The following DDX31 variants were observed in gnomAD, a reference collection of about 807,000 sequenced individuals.
DDX31 encodes the protein ATP-dependent DNA helicase DDX31.
A neutral mutation model predicts 91.3 loss-of-function variants in DDX31; 70 were observed. The ratio of observed to expected loss-of-function variants is 0.77; its 90% CI spans 0.63 to 0.94. The LOEUF (loss-of-function observed/expected upper bound fraction) is 0.94. Ranked by LOEUF, DDX31 falls within the 40% of genes least tolerant of loss-of-function variation. The probability of loss-of-function intolerance (pLI) is 0.00; values close to 1 mark genes in which losing one functional copy is unlikely to be tolerated. For synonymous variants in DDX31, 362 were observed against 350.6 expected, an observed-to-expected ratio of 1.03 and a Z score of -0.36; for missense variants, 902 against 925.0, an observed-to-expected ratio of 0.98 and a Z score of 0.32.
At chr9:132,654,098 T>C (rs1834399673) in intron 6 of DDX31, among the ~76,000 whole-genome samples, 2 of 152,150 alleles carry the variant, frequency 1.3e-5, no homozygotes, top group African/African-American at 2.4e-5. Context: ...AAAGCTGGAA[T>C]TGTCCTTTTA....
chr9:132,599,405 T>A (rs1371900699), intron 19 of DDX31, among the ~76,000 whole-genome samples: 5 of 152,238 alleles, frequency 3.3e-5, no homozygotes, highest in African/African-American at 1.2e-4. Flanking sequence ...GTTTTTAATA[T>A]ACATAAATCT....
intron 1 of DDX31, among the ~76,000 whole-genome samples, chr9:132,668,219 C>T (rs981256994): frequency 6.6e-6 from 1 of 152,134 alleles, no homozygotes; most frequent in African/African-American, 2.4e-5. Context: ...GTCCTCTTTT[C>T]TAAGAGACAA....
intron 14 of DDX31, 150 bp from the exon 15 acceptor site, chr9:132,632,241 T>TGTACACACACACACACACAC (rs1466872933): frequency 2.8e-4 from 26 of 94,098 alleles, no homozygotes; most frequent in South Asian, 8.5e-4. Context: ...CCAGTACGTG[T>TGTACACACACACACACACAC]ACACACACAC....
chr9:132,651,146 G>T, intron 7 of DDX31, 30 bp from the exon 8 acceptor site: 1 of 1,559,452 alleles, frequency 6.4e-7, no homozygotes, highest in Non-Finnish European at 8.7e-7. Flanking sequence ...TATAGATGAT[G>T]AACAGGATCC....
At chr9:132,654,111 A>G (rs1021219205) in intron 6 of DDX31, among the ~76,000 whole-genome samples, 16 of 152,224 alleles carry the variant, frequency 1.1e-4, no homozygotes, top group Admixed American at 3.3e-4. Context: ...TCCTTTTAAC[A>G]GATGACATAA....
intron 19 of DDX31, among the ~76,000 whole-genome samples, chr9:132,602,553 T>G (rs552924307): frequency 6.6e-6 from 1 of 152,266 alleles, no homozygotes; most frequent in African/African-American, 2.4e-5. Context: ...AAACCCACGC[T>G]CCTAGCACTG....
In DDX31 at chr9:132,651,109, A is replaced by T. The variant is rs761793454; in HGVS notation, c.641T>A (p.Leu214Gln). The change falls in exon 8 of 20, where the codon CTA becomes CAA. Residue 214 changes from leucine to glutamine, a missense_variant. Leu to Gln is a moderately radical substitution (Grantham distance 113). Coordinates refer to ENST00000372159, the MANE Select transcript of DDX31 (RefSeq NM_022779.9). ...TTTCTGGACAGTGTCAAAGCTTTGTAGAGCTAGCTGTAAAAATTTTAAAAG... is the reference window on the plus strand; with the variant it reads ...TTTCTGGACAGTGTCAAAGCTTTGTTGAGCTAGCTGTAAAAATTTTAAAAG... Reference protein sequence around the residue: ...LVLVPTRELALQSFDTVQKLL... With the variant: ...LVLVPTRELAQQSFDTVQKLL... 1 of 1,609,726 alleles carries T rather than the reference A, an allele frequency of 6.2e-7. No individual in the cohort carries two copies. The highest frequency in any genetic ancestry group is 8.5e-7 in the Non-Finnish European group (1 of 1,178,368).
chr9:132,654,828 C>T (rs1228004211), intron 6 of DDX31, among the ~76,000 whole-genome samples: 1 of 151,658 alleles, frequency 6.6e-6, no homozygotes, highest in Non-Finnish European at 1.5e-5. Context: ...CATCTGTAAT[C>T]CCAGCTGCTT....
intron 1 of DDX31, among the ~76,000 whole-genome samples, chr9:132,664,020 C>G (rs780593522): frequency 3.9e-5 from 6 of 152,198 alleles, no homozygotes; most frequent in Non-Finnish European, 8.8e-5. Flanking sequence ...ACATGGACTT[C>G]CTGACAGTCC....
At chr9:132,655,099 T>A (rs1834479962) in intron 6 of DDX31, among the ~76,000 whole-genome samples, 1 of 152,118 alleles carries the variant, frequency 6.6e-6, no homozygotes, top group Non-Finnish European at 1.5e-5. Context: ...AAAATAAAAA[T>A]GCACATTCCA....
chr9:132,595,139 AAAAGAAACTTT>A lies in DDX31; in HGVS notation c.1995-38_1995-28del. On this transcript the variant is annotated intron_variant, in intron 19 of 19. Transcript: ENST00000372159. The surrounding 1 kb of genome is among the most constrained non-coding windows in gnomAD (Gnocchi z 4.6). ...TGAAGAACAGTAACAGCAGAGAGGG[AAAAGAAACTTT>A]ATTATTTTTCTTTCCCATTTGGAAA... is the stretch of plus-strand genomic sequence containing the variant. The A allele has an allele frequency of 6.3e-7, 1 of 1,588,688 alleles. No individual in the cohort carries two copies. The highest frequency in any genetic ancestry group is 8.6e-7 in the Non-Finnish European group (1 of 1,166,412).
rs190283632 is a variant in DDX31, at chr9:132,641,999, C to T, written c.1440+5G>A. 16 of 1,612,848 alleles carry T rather than the reference C, an allele frequency of 9.9e-6. No individual in the cohort carries two copies. In the East Asian group the frequency reaches 2.0e-4, roughly 20 times the overall value. On this transcript the variant is annotated splice_donor_5th_base_variant and intron_variant, in intron 14 of 19. Coordinates refer to ENST00000372159, the MANE Select transcript of DDX31 (RefSeq NM_022779.9). ...CCTTCACATGGAACACAGGAGGATA[C>T]GTACCGTGCAAAGAAGGACGCCTCT...
intron 17 of DDX31, among the ~76,000 whole-genome samples, chr9:132,624,926 C>T (rs1034073599): frequency 2.0e-5 from 3 of 152,156 alleles, no homozygotes; most frequent in Admixed American, 2.0e-4. Context: ...ATCTATCTGG[C>T]CCTGATTTTC....
At chr9:132,610,630 C>T (rs1831269986) in intron 19 of DDX31, among the ~76,000 whole-genome samples, 1 of 146,100 alleles carries the variant, frequency 6.8e-6, no homozygotes, top group Non-Finnish European at 1.5e-5. Flanking sequence ...CACAAGTCAC[C>T]TCATCTTTTT....
chr9:132,608,976 C>T (rs1458231628), intron 19 of DDX31, among the ~76,000 whole-genome samples: 1 of 152,162 alleles, frequency 6.6e-6, no homozygotes, highest in Non-Finnish European at 1.5e-5. Flanking sequence ...CATTCCTCCT[C>T]CAGGAGTGAC....
At chr9:132,628,403 G>A (rs764632619) in intron 16 of DDX31, among the ~76,000 whole-genome samples, 5 of 152,198 alleles carry the variant, frequency 3.3e-5, no homozygotes, top group South Asian at 2.1e-4. Context: ...AGGGAGTCAC[G>A]TAAATGCGGG....
At chr9:132,640,354 G>A (rs1833419101) in intron 14 of DDX31, among the ~76,000 whole-genome samples, 1 of 152,176 alleles carries the variant, frequency 6.6e-6, no homozygotes, top group Non-Finnish European at 1.5e-5. Context: ...GAAAAAGCCA[G>A]ATGATACATT....
At chr9:132,604,758 C>T (rs1023810102) in intron 19 of DDX31, among the ~76,000 whole-genome samples, 6 of 152,200 alleles carry the variant, frequency 3.9e-5, no homozygotes, top group Non-Finnish European at 7.3e-5. Context: ...CATCTGTCCT[C>T]GTGGCTACTT....
At chr9:132,631,544 A>G (rs1445917205) in intron 15 of DDX31, among the ~76,000 whole-genome samples, 2 of 152,252 alleles carry the variant, frequency 1.3e-5, no homozygotes, top group African/African-American at 4.8e-5. Context: ...TAGACTAATG[A>G]AAAGAAAAAA....
Sources: allele counts gnomAD v4.1 joint callset (sites outside exome capture counted in the v4.1 genomes callset), GRCh38; gene constraint gnomAD v4.1.1; non-coding constraint Gnocchi (gnomAD v3.1); transcripts MANE v1.5; gene names NCBI Gene and HGNC (gene_info 2026-07-23, HGNC 2026-07-21).